The following SLC41A3 variants were observed in gnomAD, a reference collection of about 807,000 sequenced individuals.
The protein encoded by SLC41A3 is solute carrier family 41 member 3, also known as SLC41A1-like 2.
Under a neutral mutation model 45.4 loss-of-function variants are expected in SLC41A3, and 44 were observed. That is an observed-to-expected ratio of 0.97 (90% CI 0.76 to 1.25). The LOEUF (loss-of-function observed/expected upper bound fraction) is 1.25. SLC41A3 is among the 50% of genes most tolerant of loss of function. SLC41A3 has a pLI of 0.00. For missense variants in SLC41A3, 550 were observed against 600.6 expected (o/e 0.92, Z 0.88); for synonymous variants, 256 against 252.4 (o/e 1.01, Z -0.13).
rs1203470380 is a variant in SLC41A3, at chr3:126,063,959, G to C, written c.273+3988C>G. Reference sequence around the variant, plus strand: ...ATTAAGCCAGATCCAACCCCCCCCCGGGGACACACACTCCCCATACCCAGG... The same window carrying C: ...ATTAAGCCAGATCCAACCCCCCCCCCGGGACACACACTCCCCATACCCAGG... On this transcript the variant is annotated intron_variant, in intron 2 of 10. Coordinates refer to ENST00000360370, the MANE Select transcript of SLC41A3 (RefSeq NM_017836.4). Among the ~76,000 whole-genome samples the C allele has an allele frequency of 5.1e-4, 30 of 58,772 alleles. No individual in the cohort carries two copies. The East Asian group carries it at 0.017, about 34-fold the overall frequency. The allele number at this position is 58,772 out of a possible 152,430, so 38.6% of individuals were successfully genotyped here.
Position 126,046,290 on chromosome 3 carries a change from AAAG to A in SLC41A3, c.381+4650_381+4652del, listed in dbSNP as rs1462023046. On this transcript the variant is annotated intron_variant, in intron 3 of 10. Transcript: ENST00000360370. Reference sequence around the variant, plus strand: ...AAAAGTAAAAGGTGTACAAATTAGAAAAGAAGAAGTAAAATTACCTCTGTTTGC... The same window carrying A: ...AAAAGTAAAAGGTGTACAAATTAGAAAAGAAGTAAAATTACCTCTGTTTGC... 1.7e-4 allele frequency among the ~76,000 whole-genome samples: 26 copies of A among 152,254 alleles called. No individual in the cohort carries two copies. In the East Asian group the frequency reaches 3.1e-3, roughly 18 times the overall value.
intron 2 of SLC41A3, chr3:126,056,392 A>G (rs1943662746): frequency 1.2e-6 from 2 of 1,614,202 alleles, no homozygotes; most frequent in Non-Finnish European, 1.7e-6. Context: ...GGCTGTCATC[A>G]TGCACAAGCC....
intron 3 of SLC41A3, among the ~76,000 whole-genome samples, chr3:126,041,435 G>T (rs772266735): frequency 6.6e-6 from 1 of 152,000 alleles, no homozygotes; most frequent in Non-Finnish European, 1.5e-5. Flanking sequence ...GATGATAAAA[G>T]AAAAAAATCT....
Position 126,006,837 on chromosome 3 carries a change from A to T in SLC41A3, c.*179T>A. 3 of 1,458,056 alleles carry T rather than the reference A, an allele frequency of 2.1e-6. No homozygotes were observed. Among genetic ancestry groups the T allele is most frequent in the East Asian group, 2.4e-5 (1 of 40,988 alleles). 90.3% of individuals were successfully genotyped at this position (1,458,056 alleles called of 1,614,324 possible). ...GCTCTTGATTTCAGGGCTCTATTGC[A>T]GGCTCAGGTATCAACCCCAGAGCCG... On this transcript the variant is annotated 3_prime_UTR_variant, in exon 11 of 11. Coordinates refer to ENST00000360370, the MANE Select transcript of SLC41A3 (RefSeq NM_017836.4).
intron 3 of SLC41A3, among the ~76,000 whole-genome samples, chr3:126,036,275 C>T (rs1942183585): frequency 6.6e-6 from 1 of 152,222 alleles, no homozygotes; most frequent in African/African-American, 2.4e-5. Context: ...AGCTCTGGGC[C>T]TGTGAGGCTG....
intron 3 of SLC41A3, among the ~76,000 whole-genome samples, chr3:126,037,928 TAC>T (rs1252061400): frequency 6.6e-6 from 1 of 152,198 alleles, no homozygotes; most frequent in Non-Finnish European, 1.5e-5. Context: ...ACTGCTTCCC[TAC>T]ACAGCCCTGG....
intron 2 of SLC41A3, among the ~76,000 whole-genome samples, chr3:126,054,433 AT>A (rs1943530717): frequency 6.6e-6 from 1 of 152,104 alleles, no homozygotes; most frequent in African/African-American, 2.4e-5. Context: ...CAAGACACTC[AT>A]TTTAACATAA....
intron 8 of SLC41A3, among the ~76,000 whole-genome samples, chr3:126,014,419 T>C (rs984847480): frequency 6.6e-6 from 1 of 152,176 alleles, no homozygotes; most frequent in Non-Finnish European, 1.5e-5. Flanking sequence ...GGCACCACAC[T>C]GTTCATATGA....
At chr3:126,064,530 G>T (rs1238846661) in intron 2 of SLC41A3, among the ~76,000 whole-genome samples, 1 of 152,064 alleles carries the variant, frequency 6.6e-6, no homozygotes, top group African/African-American at 2.4e-5. Flanking sequence ...GCCAGGTGTT[G>T]AGTGTCCACC....
chr3:126,048,628 A>G (rs1377770649), intron 3 of SLC41A3, among the ~76,000 whole-genome samples: 1 of 152,228 alleles, frequency 6.6e-6, no homozygotes, highest in Admixed American at 6.5e-5. Flanking sequence ...TACACAGAAC[A>G]ACATAAATAA....
intron 2 of SLC41A3, chr3:126,056,385 T>A (rs7613944): frequency 1.9e-6 from 3 of 1,614,150 alleles, no homozygotes; most frequent in Non-Finnish European, 2.5e-6. Context: ...CCAGGCCGGC[T>A]GTCATCATGC....
At chr3:126,059,257 A>AAGAAAGAGAGAAAGAAAGAAAGAGAG (rs1178726860) in intron 2 of SLC41A3, among the ~76,000 whole-genome samples, 1 of 6,158 alleles carries the variant, frequency 1.6e-4, no homozygotes, top group Non-Finnish European at 3.8e-4. Flanking sequence ...GAAAGAAAGA[A>AAGAAAGAGAGAAAGAAAGAAAGAGAG]AGAAAGAAGA....
At chr3:126,048,149 GA>G (rs1943086927) in intron 3 of SLC41A3, among the ~76,000 whole-genome samples, 1 of 152,164 alleles carries the variant, frequency 6.6e-6, no homozygotes, top group Non-Finnish European at 1.5e-5. Flanking sequence ...CTAGTTATTA[GA>G]AAAATTTGTA....
chr3:126,052,775 C>A (rs1213173205), intron 2 of SLC41A3, among the ~76,000 whole-genome samples: 3 of 152,186 alleles, frequency 2.0e-5, no homozygotes, highest in Non-Finnish European at 4.4e-5. Flanking sequence ...GGCCCCTCTT[C>A]TTCCTCCTGA....
chr3:126,013,926 T>C (rs1939991492), intron 8 of SLC41A3, among the ~76,000 whole-genome samples: 1 of 152,124 alleles, frequency 6.6e-6, no homozygotes, highest in African/African-American at 2.4e-5. Flanking sequence ...GCACATGCGG[T>C]CTCTGGGAAC....
chr3:126,089,933 C>T (rs1036899143), intron 1 of SLC41A3, among the ~76,000 whole-genome samples: 4 of 151,934 alleles, frequency 2.6e-5, no homozygotes, highest in Admixed American at 2.6e-4. Flanking sequence ...TGATAGACAG[C>T]TCTCATGAGC....
At chr3:126,034,955 G>C (rs1264548954) in intron 3 of SLC41A3, among the ~76,000 whole-genome samples, 1 of 152,228 alleles carries the variant, frequency 6.6e-6, no homozygotes, top group Admixed American at 6.5e-5. Flanking sequence ...CCCTTGCTGT[G>C]CATGTGAGCC....
chr3:126,031,824 T>C (rs745805616), intron 4 of SLC41A3, among the ~76,000 whole-genome samples: 32 of 152,228 alleles, frequency 2.1e-4, no homozygotes, highest in Non-Finnish European at 3.4e-4. Context: ...TGCCCCTTGC[T>C]AGACCTTGTG....
Position 126,012,762 on chromosome 3 carries a change from A to G in SLC41A3, c.971-13T>C. 6.2e-7 allele frequency: 1 copy of G among 1,613,940 alleles called. No homozygotes were observed. Among genetic ancestry groups the G allele is most frequent in the Non-Finnish European group, 8.5e-7 (1 of 1,179,862 alleles). Reference sequence around the variant, plus strand: ...TTGCCACCAACACCTACGAGGAGAAAAGGAATCTGTTTTCCCTTTCTTTAC... The same window carrying G: ...TTGCCACCAACACCTACGAGGAGAAGAGGAATCTGTTTTCCCTTTCTTTAC... On this transcript the variant is annotated splice_polypyrimidine_tract_variant and intron_variant, in intron 8 of 10. Transcript: ENST00000360370.
Sources: gnomAD v4.1 joint callset for allele counts (sites outside exome capture counted in the v4.1 genomes callset) on GRCh38, gnomAD v4.1.1 for gene constraint, MANE v1.5 for transcripts, NCBI Gene and HGNC (gene_info 2026-07-23, HGNC 2026-07-21) for gene names.